SMCHD1: variants seen among roughly 807,000 people sequenced by gnomAD.
SMCHD1 encodes structural maintenance of chromosomes flexible hinge domain containing 1, also known as structural maintenance of chromosomes flexible hinge domain-containing protein 1.
In SMCHD1, 78 loss-of-function variants were observed where a neutral mutation model predicts 254.7. The ratio of observed to expected loss-of-function variants is 0.31; its 90% CI spans 0.26 to 0.37. The LOEUF is 0.37. Among genes scored for constraint, SMCHD1 ranks in the 10% least tolerant of loss-of-function variants. The pLI, the probability that SMCHD1 is intolerant of heterozygous loss-of-function variation, is 1.00. For missense variants in SMCHD1, 1,840 were observed against 2,408.1 expected, an observed-to-expected ratio of 0.76 and a Z score of 4.94; for synonymous variants, 766 against 794.9, an observed-to-expected ratio of 0.96 and a Z score of 0.61.
At position 2,674,032 on chromosome 18, in the gene SMCHD1, A is replaced by G. The variant is rs2073682079; in HGVS notation, c.525A>G (p.Gln175=). The change falls in exon 5 of 48, where the codon CAA becomes CAG. Residue 175 remains glutamine, a synonymous_variant. Coordinates refer to ENST00000320876, the MANE Select transcript of SMCHD1 (RefSeq NM_015295.3). ...IQIKLLFDET[Q]GKPAVAVIDN... Reference sequence around the variant, plus strand: ...TTTCATAGCTTTTTGATGAAACACAAGGAAAACCTGCTGTTGCAGTGATAG... The same window carrying G: ...TTTCATAGCTTTTTGATGAAACACAGGGAAAACCTGCTGTTGCAGTGATAG... 6.3e-7 allele frequency: 1 copy of G among 1,590,002 alleles called. No individual in the cohort carries two copies. The highest frequency in any genetic ancestry group is 8.6e-7 in the Non-Finnish European group (1 of 1,168,482).
At chr18:2,731,963 A>T (rs954332943) in intron 24 of SMCHD1, among the ~76,000 whole-genome samples, 27 of 152,338 alleles carry the variant, frequency 1.8e-4, no homozygotes, top group South Asian at 6.2e-4. Context: ...GTGAGCCAAG[A>T]TCATGCCACT....
At chr18:2,675,823 C>A (rs1170454778) in intron 5 of SMCHD1, among the ~76,000 whole-genome samples, 2 of 152,194 alleles carry the variant, frequency 1.3e-5, no homozygotes, top group East Asian at 3.8e-4. Context: ...GACATTGACT[C>A]TGATTTCTCT....
chr18:2,758,065 GATAGATAT>G (rs1287643680), intron 34 of SMCHD1, among the ~76,000 whole-genome samples: 9 of 152,192 alleles, frequency 5.9e-5, no homozygotes, highest in East Asian at 3.9e-4. Flanking sequence ...TAGATAGATA[GATAGATAT>G]ATTCTTTTAA....
intron 20 of SMCHD1, 59 bp from the exon 21 acceptor site, chr18:2,724,840 C>T (rs773936445): frequency 5.8e-5 from 51 of 884,824 alleles, no homozygotes; most frequent in Non-Finnish European, 7.8e-5. Flanking sequence ...AGCAAAAACA[C>T]ATTTGCAGCT....
chr18:2,698,366 A>G (rs2074328787), intron 10 of SMCHD1, among the ~76,000 whole-genome samples: 1 of 152,132 alleles, frequency 6.6e-6, no homozygotes, highest in Admixed American at 6.5e-5. Context: ...TTATGCAGTC[A>G]TATTTACTAA....
chr18:2,700,703 C>T (rs1200325265), intron 11 of SMCHD1, 32 bp from the exon 12 acceptor site: 2 of 1,604,360 alleles, frequency 1.2e-6, no homozygotes, highest in Middle Eastern at 1.7e-4. Context: ...CAACTTAATT[C>T]TTTTACTAAC....
intron 7 of SMCHD1, 71 bp from the exon 8 acceptor site, chr18:2,694,456 T>G (rs766698349): frequency 8.0e-7 from 1 of 1,255,788 alleles, no homozygotes; most frequent in Non-Finnish European, 1.1e-6. Flanking sequence ...CATTAAAATT[T>G]GATGCAATAG....
chr18:2,732,001 A>G (rs916603835), intron 24 of SMCHD1, among the ~76,000 whole-genome samples: 3 of 152,036 alleles, frequency 2.0e-5, no homozygotes, highest in Admixed American at 6.6e-5. Flanking sequence ...GCAAAGTGAG[A>G]CTCTGTCTCA....
chr18:2,772,473 A>G, intron 41 of SMCHD1, 101 bp downstream of exon 41: 2 of 1,018,014 alleles, frequency 2.0e-6, no homozygotes, highest in South Asian at 4.6e-5. Context: ...GGTTCTTTGT[A>G]ATTTACTTCT....
chr18:2,792,178 C>T (rs1210410463), intron 45 of SMCHD1, among the ~76,000 whole-genome samples: 3 of 152,064 alleles, frequency 2.0e-5, no homozygotes, highest in African/African-American at 4.8e-5. Flanking sequence ...TGTCATGTGC[C>T]GCACAAGGCT....
At chr18:2,684,950 G>A (rs1469964928) in intron 5 of SMCHD1, among the ~76,000 whole-genome samples, 1 of 151,894 alleles carries the variant, frequency 6.6e-6, no homozygotes, top group East Asian at 1.9e-4. Flanking sequence ...AAATGTCAAA[G>A]TACAGTATTG....
chr18:2,735,455 T>C (rs1002121352), intron 25 of SMCHD1, among the ~76,000 whole-genome samples: 1 of 151,928 alleles, frequency 6.6e-6, no homozygotes, highest in African/African-American at 2.4e-5. Flanking sequence ...AAGAGAAAAA[T>C]AAAAGGTGTC....
chr18:2,754,826 T>A (rs1208253879), intron 34 of SMCHD1, among the ~76,000 whole-genome samples: 2 of 58,062 alleles, frequency 3.4e-5, no homozygotes, highest in Admixed American at 3.9e-4. Flanking sequence ...GTGGAATTGA[T>A]TTTTTTTTTT....
At chr18:2,786,107 G>A (rs192010128) in intron 45 of SMCHD1, among the ~76,000 whole-genome samples, 7 of 152,006 alleles carry the variant, frequency 4.6e-5, no homozygotes, top group African/African-American at 1.2e-4. Flanking sequence ...TCGGTCTCCC[G>A]GGATCAAGCA....
intron 1 of SMCHD1, among the ~76,000 whole-genome samples, chr18:2,657,944 A>G (rs548357575): frequency 2.5e-4 from 38 of 149,880 alleles, no homozygotes; most frequent in Admixed American, 4.0e-4. Context: ...CACCATGCCC[A>G]GCTATGTTTT....
At chr18:2,763,863 T>G in intron 37 of SMCHD1, 74 bp downstream of exon 37, 1 of 1,320,760 alleles carries the variant, frequency 7.6e-7, no homozygotes, top group Non-Finnish European at 1.1e-6. Flanking sequence ...AAGACACCTT[T>G]TCTTTTGTAT....
intron 1 of SMCHD1, among the ~76,000 whole-genome samples, chr18:2,657,891 T>G (rs1598268435): frequency 1.3e-5 from 2 of 152,090 alleles, no homozygotes; most frequent in South Asian, 4.2e-4. Flanking sequence ...CAGGTGATCC[T>G]CCCACCTCAG....
intron 5 of SMCHD1, among the ~76,000 whole-genome samples, chr18:2,681,069 C>T (rs1216013879): frequency 6.6e-6 from 1 of 151,970 alleles, no homozygotes; most frequent in Non-Finnish European, 1.5e-5. Context: ...AATTTGAGAC[C>T]AGCTTATGCA....
At chr18:2,734,851 C>T (rs1386509826) in intron 25 of SMCHD1, among the ~76,000 whole-genome samples, 8 of 151,734 alleles carry the variant, frequency 5.3e-5, no homozygotes, top group South Asian at 2.1e-4. Flanking sequence ...AGGTGGATCA[C>T]GAGGTCAAGA....
Sources: gnomAD v4.1 joint callset for allele counts (sites outside exome capture counted in the v4.1 genomes callset) on GRCh38, gnomAD v4.1.1 for gene constraint, MANE v1.5 for transcripts, NCBI Gene and HGNC (gene_info 2026-07-23, HGNC 2026-07-21) for gene names.